GLIS2: variants seen among roughly 807,000 people sequenced by gnomAD.
GLIS2 encodes GLIS family zinc finger 2, also known as zinc finger protein GLIS2.
In GLIS2, 14 loss-of-function variants were observed where a neutral mutation model predicts 35.6. The ratio of observed to expected loss-of-function variants is 0.39; its 90% confidence interval spans 0.26 to 0.61. The LOEUF (loss-of-function observed/expected upper bound fraction) is 0.61, where lower values mean the gene tolerates loss of function less well. Among genes scored for constraint, GLIS2 ranks in the 20% least tolerant of loss-of-function variants. GLIS2 has a pLI of 0.48. For synonymous variants in GLIS2, 368 were observed against 325.1 expected (o/e 1.13, Z -1.42); for missense variants, 675 against 713.4 (o/e 0.95, Z 0.61).
rs35018018 is a variant in GLIS2 at position 4,325,752 on chromosome 16, A to AC, written c.-66-6456dup. On this transcript the variant is annotated intron_variant, in intron 1 of 6. Transcript: ENST00000433375. ...AGACCAGCCTGGATGACACAGGGAG[A>AC]CCCCCCCATCTCTGCAAAATAAAAA... is the stretch of plus-strand genomic sequence containing the variant. Among the ~76,000 whole-genome samples, 54 of 150,156 alleles carry AC rather than the reference A, an allele frequency of 3.6e-4. No homozygotes were observed. In the East Asian group the frequency reaches 6.7e-3, roughly 19 times the overall value.
chr16:4,319,766 G>A (rs1460763315), intron 1 of GLIS2, among the ~76,000 whole-genome samples: 1 of 152,206 alleles, frequency 6.6e-6, no homozygotes. Flanking sequence ...GATGGTGGCA[G>A]GGTCTGCAGG....
At position 4,337,426 on chromosome 16, in the gene GLIS2, G is replaced by A. The variant is rs751069276; in HGVS notation, c.1477G>A (p.Gly493Ser). ...AGGCACCGTGCTGGACCTGTCCACG[G>A]GCGTCAACTCAGCTGCCAGCAGCCC... ...LPGTVLDLST[G>S]VNSAASSPEA... Residue 493 changes from glycine to serine, a missense_variant, in exon 7 of 7, where the codon GGC (glycine) becomes AGC (serine). By Grantham distance (56) the Gly-to-Ser change is moderately conservative. Transcript: ENST00000433375. 6.3e-7 allele frequency: 1 copy of A among 1,584,852 alleles called. No individual in the cohort carries two copies. Among genetic ancestry groups the A allele is most frequent in the South Asian group, 1.1e-5 (1 of 87,256 alleles).
At chr16:4,322,711 A>C (rs2053391227) in intron 1 of GLIS2, among the ~76,000 whole-genome samples, 1 of 150,262 alleles carries the variant, frequency 6.7e-6, no homozygotes, top group East Asian at 2.0e-4. Flanking sequence ...GTTGGAATGC[A>C]TGAATGCGTG....
At chr16:4,316,601 G>A (rs1248896711) in intron 1 of GLIS2, among the ~76,000 whole-genome samples, 2 of 151,864 alleles carry the variant, frequency 1.3e-5, no homozygotes, top group Non-Finnish European at 2.9e-5. Context: ...GCGGCGAGGT[G>A]AGAGGGGGGT....
chr16:4,337,682 G>A lies in GLIS2; in HGVS notation c.*158G>A. On this transcript the variant is annotated 3_prime_UTR_variant, in exon 7 of 7. Coordinates refer to ENST00000433375, the MANE Select transcript of GLIS2 (RefSeq NM_032575.3). ...GGATGGTGCTAGGTCATTCATGGCT[G>A]GCCTCCCAGCCCCCGGGTGGGGACC... 2.8e-6 allele frequency: 3 copies of A among 1,090,546 alleles called. No homozygotes were observed. Among genetic ancestry groups the A allele is most frequent in the Non-Finnish European group, 4.0e-6 (3 of 751,936 alleles). The allele number at this position is 1,090,546 out of a possible 1,614,324, so 67.6% of individuals were successfully genotyped here.
intron 1 of GLIS2, among the ~76,000 whole-genome samples, chr16:4,323,936 T>C (rs1184067474): frequency 2.0e-5 from 3 of 152,298 alleles, no homozygotes; most frequent in South Asian, 2.1e-4. Flanking sequence ...CAGCAGGGCC[T>C]TTCTGAGTTC....
chr16:4,335,190 C>T lies in GLIS2; in HGVS notation c.653C>T (p.Ala218Val), dbSNP rs2053537242. Residue 218 changes from alanine (A) to valine (V), a missense_variant, in exon 5 of 7, where the codon GCC (alanine) becomes GTC (valine). Transcript: ENST00000433375. The surrounding 1 kb of genome is among the most constrained non-coding windows in gnomAD (Gnocchi z 4.6). ...GCARHGRGFNARYKMLIHIRT... is the reference protein window; with the variant it reads ...GCARHGRGFNVRYKMLIHIRT... ...GCCCGCCATGGCCGAGGTTTCAACG[C>T]CAGGTGAGGTGGGGGAGAGAGGGGT... The T allele has an allele frequency of 1.9e-6, 3 of 1,613,386 alleles. No homozygotes were observed. The highest frequency in any genetic ancestry group is 2.5e-6 in the Non-Finnish European group (3 of 1,180,020).
rs1379030385 is a variant in GLIS2, at chr16:4,336,841, C to T, written c.892C>T (p.Pro298Ser). Residue 298 changes from proline (P) to serine (S), a missense_variant, in exon 7 of 7, where the codon CCC (proline) becomes TCC (serine). Pro to Ser is a moderately conservative substitution (Grantham distance 74). Coordinates refer to ENST00000433375, the MANE Select transcript of GLIS2 (RefSeq NM_032575.3). ...YVDKPYYCKM[P>S]GCHKRYTDPS... ...GGACAAGCCCTACTACTGCAAGATG[C>T]CCGGCTGCCACAAGCGCTACACGGA... 1.1e-5 allele frequency: 17 copies of T among 1,612,598 alleles called. No homozygotes were observed. In the East Asian group the frequency reaches 3.1e-4, roughly 30 times the overall value.
Position 4,339,261 on chromosome 16 carries a change from G to A in GLIS2, c.*1737G>A, listed in dbSNP as rs1027190975. 5 of 152,722 alleles carry A rather than the reference G, an allele frequency of 3.3e-5. No homozygotes were observed. Among genetic ancestry groups the A allele is most frequent in the African/African-American group, 9.6e-5 (4 of 41,470 alleles). The allele number at this position is 152,722 out of a possible 1,614,324, so 9.5% of individuals were successfully genotyped here. ...CCCCTGTGAGGGCCCCAGGCCTTAA[G>A]TCCCTGGCGGGGTCATGGGTTTGCG... On this transcript the variant is annotated 3_prime_UTR_variant, in exon 7 of 7. Coordinates refer to ENST00000433375, the MANE Select transcript of GLIS2 (RefSeq NM_032575.3).
At position 4,332,775 on chromosome 16, in the gene GLIS2, G is replaced by A. The variant is rs1053102322; in HGVS notation, c.172+323G>A. ...GCACCCTAGGCTGTGGGGTGGTGCC[G>A]CTGGCCAACCTGGGCAGTAGAGGCT... On this transcript the variant is annotated intron_variant, in intron 2 of 6. Transcript: ENST00000433375. The surrounding 1 kb of genome is among the most constrained non-coding windows in gnomAD (Gnocchi z 5.4). Among the ~76,000 whole-genome samples the A allele has an allele frequency of 4.6e-5, 7 of 152,218 alleles. No individual in the cohort carries two copies. Among genetic ancestry groups the A allele is most frequent in the African/African-American group, 1.4e-4 (6 of 41,462 alleles).
chr16:4,333,241 T>C, intron 2 of GLIS2, 106 bp from the exon 3 acceptor site: 1 of 1,260,458 alleles, frequency 7.9e-7, no homozygotes, highest in East Asian at 2.5e-5. Context: ...TCTGGGGGCA[T>C]GGCTGGTGTC....
In GLIS2 at chr16:4,337,260, A is replaced by T. The variant is rs3810817; in HGVS notation, c.1311A>T (p.Ala437=). 4 of 1,548,956 alleles carry T rather than the reference A, an allele frequency of 2.6e-6. No homozygotes were observed. In the African/African-American group the frequency reaches 5.5e-5, roughly 21 times the overall value. Residue 437 remains alanine (A), a synonymous_variant, in exon 7 of 7, where the codon GCA becomes GCT. Coordinates refer to ENST00000433375, the MANE Select transcript of GLIS2 (RefSeq NM_032575.3). ...CTGTGGTCTCCCTCCTTGCTGGCGC[A>T]GCTGGTGGCAAGGCCGAGGGGGAGA... The part of the protein sequence containing the change: ...GLPVVSLLAG[A]AGGKAEGEKG...
intron 1 of GLIS2, among the ~76,000 whole-genome samples, chr16:4,331,951 A>G (rs2053500565): frequency 6.6e-6 from 1 of 152,150 alleles, no homozygotes; most frequent in Admixed American, 6.5e-5. Context: ...CTCTGTCAGC[A>G]AATAAAATTC....
intron 1 of GLIS2, among the ~76,000 whole-genome samples, chr16:4,326,886 G>A (rs372385035): frequency 2.0e-5 from 3 of 151,602 alleles, no homozygotes; most frequent in African/African-American, 2.4e-5. Context: ...TCAGCCTCCC[G>A]GGTAGCTGGA....
chr16:4,332,543 G>A lies in GLIS2; in HGVS notation c.172+91G>A. 3 of 1,451,556 alleles carry A rather than the reference G, an allele frequency of 2.1e-6. No individual in the cohort carries two copies. The highest frequency in any genetic ancestry group is 2.8e-6 in the Non-Finnish European group (3 of 1,063,028). The allele number at this position is 1,451,556 out of a possible 1,614,324, so 89.9% of individuals were successfully genotyped here. A position where few individuals can be genotyped will look rare whatever the true frequency, so the allele number is the denominator to read the frequency against. On this transcript the variant is annotated intron_variant, in intron 2 of 6. Coordinates refer to ENST00000433375, the MANE Select transcript of GLIS2 (RefSeq NM_032575.3). The surrounding 1 kb of genome is among the most constrained non-coding windows in gnomAD (Gnocchi z 5.4). ...CAAGTGTGTCCACCAGCATGTAGCT[G>A]CAGCCCCTCTCGGCTTCCGGTTCAT...
chr16:4,318,831 T>C (rs1480721960), intron 1 of GLIS2, among the ~76,000 whole-genome samples: 3 of 152,236 alleles, frequency 2.0e-5, no homozygotes, highest in East Asian at 1.9e-4. Flanking sequence ...TGTGTATTTC[T>C]AGCCACCCGC....
intron 1 of GLIS2, among the ~76,000 whole-genome samples, chr16:4,321,558 C>T (rs1232367978): frequency 6.6e-6 from 1 of 152,200 alleles, no homozygotes; most frequent in Non-Finnish European, 1.5e-5. Flanking sequence ...CTTCGGCTGT[C>T]CTCTCAGCAG....
intron 3 of GLIS2, among the ~76,000 whole-genome samples, chr16:4,334,268 A>G (rs1281269168): frequency 1.7e-5 from 2 of 120,872 alleles, no homozygotes; most frequent in African/African-American, 6.6e-5. Context: ...AACAGGGTCT[A>G]GCTCTGTCAC....
chr16:4,315,841 C>T (rs1480883820), upstream of GLIS2, among the ~76,000 whole-genome samples: 6 of 150,362 alleles, frequency 4.0e-5, no homozygotes, highest in East Asian at 9.9e-4. Context: ...GCGCACGCCC[C>T]GCCTGGCAGC....
Sources: gnomAD v4.1 joint callset for allele counts (sites outside exome capture counted in the v4.1 genomes callset) on GRCh38, gnomAD v4.1.1 for gene constraint, Gnocchi (gnomAD v3.1) non-coding constraint, MANE v1.5 for transcripts, NCBI Gene and HGNC (gene_info 2026-07-23, HGNC 2026-07-21) for gene names.